Variants in ANGPT1 observed in about 807,000 individuals in gnomAD.
The protein encoded by ANGPT1 is angiopoietin 1, also known as angiopoietin-1.
A neutral mutation model predicts 62.2 loss-of-function variants in ANGPT1; 17 were observed. The ratio of observed to expected loss-of-function variants is 0.27; its 90% confidence interval spans 0.19 to 0.41. The LOEUF (loss-of-function observed/expected upper bound fraction) is 0.41. ANGPT1 is among the 10% of genes least tolerant of loss of function. The probability of loss-of-function intolerance (pLI) is 1.00; values close to 1 mark genes in which losing one functional copy is unlikely to be tolerated. For synonymous variants in ANGPT1, 199 were observed against 198.9 expected, an observed-to-expected ratio of 1.00 and a Z score of 0.00; for missense variants, 478 against 594.9, an observed-to-expected ratio of 0.80 and a Z score of 2.04.
chr8:107,322,727 A>C (rs1815184390), intron 3 of ANGPT1: 1 of 327,768 alleles, frequency 3.1e-6, no homozygotes, highest in Non-Finnish European at 5.9e-6. Flanking sequence ...TCTTATTTTG[A>C]AACTGTTGAA....
chr8:107,274,079 G>A (rs1048039468), intron 7 of ANGPT1, among the ~76,000 whole-genome samples: 1 of 152,120 alleles, frequency 6.6e-6, no homozygotes, highest in African/African-American at 2.4e-5. Context: ...ACAAGAGAAG[G>A]TATGGTGTGT....
intron 1 of ANGPT1, among the ~76,000 whole-genome samples, chr8:107,412,318 C>A (rs963241421): frequency 6.6e-6 from 1 of 151,988 alleles, no homozygotes; most frequent in African/African-American, 2.4e-5. Flanking sequence ...AAGTCCCTGG[C>A]GATAGAGGAA....
intron 1 of ANGPT1, among the ~76,000 whole-genome samples, chr8:107,424,970 G>A (rs964315591): frequency 6.6e-6 from 1 of 152,160 alleles, no homozygotes; most frequent in Non-Finnish European, 1.5e-5. Context: ...CGCCTCCCGG[G>A]TTCAAGTGAT....
At chr8:107,257,733 T>C (rs889469053) in intron 8 of ANGPT1, among the ~76,000 whole-genome samples, 13 of 152,144 alleles carry the variant, frequency 8.5e-5, no homozygotes, top group Non-Finnish European at 2.9e-5. Context: ...GGTGAGTTTA[T>C]GTGGACAAAG....
At chr8:107,435,721 T>C (rs1811315632) in intron 1 of ANGPT1, among the ~76,000 whole-genome samples, 1 of 152,224 alleles carries the variant, frequency 6.6e-6, no homozygotes, top group Admixed American at 6.5e-5. Context: ...GCCCTATGAT[T>C]CAGCATTCTT....
intron 1 of ANGPT1, among the ~76,000 whole-genome samples, chr8:107,403,947 G>C (rs539267575): frequency 6.6e-6 from 1 of 152,042 alleles, no homozygotes; most frequent in African/African-American, 2.4e-5. Flanking sequence ...TTTTAAAATT[G>C]GAAAAATAAA....
Position 107,291,595 on chromosome 8 carries a change from T to C in ANGPT1, c.1038+2341A>G, listed in dbSNP as rs183465805. Reference sequence around the variant, plus strand: ...CCCGGCTAATTTTTTGTTGTTTTAGTAGAGACGGGGTTTCACCATATTGGC... The same window carrying C: ...CCCGGCTAATTTTTTGTTGTTTTAGCAGAGACGGGGTTTCACCATATTGGC... On this transcript the variant is annotated intron_variant, in intron 6 of 8. Transcript: ENST00000517746. Among the ~76,000 whole-genome samples the C allele has an allele frequency of 2.6e-5, 4 of 152,118 alleles. No individual in the cohort carries two copies. In the East Asian group the frequency reaches 7.8e-4, roughly 30 times the overall value.
intron 1 of ANGPT1, among the ~76,000 whole-genome samples, chr8:107,421,612 G>GTT (rs1304356894): frequency 6.6e-6 from 1 of 152,186 alleles, no homozygotes; most frequent in Non-Finnish European, 1.5e-5. Context: ...TGCTGGTAAG[G>GTT]TTAGCATCTG....
intron 1 of ANGPT1, among the ~76,000 whole-genome samples, chr8:107,395,245 C>A (rs1283667): frequency 0.14 from 21,176 of 152,010 alleles, 1,754 homozygotes; most frequent in South Asian, 0.2. Flanking sequence ...GACTCCATGA[C>A]CTCTATGATT....
chr8:107,299,388 A>AGTGT (rs1390326614), intron 5 of ANGPT1, among the ~76,000 whole-genome samples: 16 of 43,420 alleles, frequency 3.7e-4, no homozygotes, highest in South Asian at 1.0e-3. Context: ...TAAATGAAGG[A>AGTGT]GTGTATATAT....
intron 1 of ANGPT1, among the ~76,000 whole-genome samples, chr8:107,448,004 G>A (rs929106822): frequency 1.3e-5 from 2 of 152,150 alleles, no homozygotes; most frequent in Admixed American, 6.6e-5. Context: ...GGCTTACTTC[G>A]GGTCCTACAG....
intron 8 of ANGPT1, among the ~76,000 whole-genome samples, chr8:107,261,274 T>TAA (rs35789449): frequency 1.1e-4 from 16 of 151,144 alleles, no homozygotes; most frequent in Non-Finnish European, 1.3e-4. Flanking sequence ...GTGTACCATT[T>TAA]AAAAAAAAAT....
chr8:107,403,973 G>A (rs1379876715), intron 1 of ANGPT1, among the ~76,000 whole-genome samples: 2 of 152,088 alleles, frequency 1.3e-5, no homozygotes, highest in Non-Finnish European at 2.9e-5. Context: ...TTTGTTAAGA[G>A]ATGATGATAC....
chr8:107,349,660 T>G (rs560308469), intron 1 of ANGPT1, among the ~76,000 whole-genome samples: 1 of 152,274 alleles, frequency 6.6e-6, no homozygotes, highest in East Asian at 1.9e-4. Flanking sequence ...ATGAGACTAT[T>G]GAGGCTCAGA....
intron 8 of ANGPT1, among the ~76,000 whole-genome samples, chr8:107,257,426 GTAC>G (rs2130001904): frequency 6.6e-6 from 1 of 152,164 alleles, no homozygotes; most frequent in South Asian, 2.1e-4. Context: ...TCTCAACTTT[GTAC>G]TCAGGAAGTT....
intron 1 of ANGPT1, among the ~76,000 whole-genome samples, chr8:107,394,493 G>A (rs1227037038): frequency 6.6e-6 from 1 of 152,176 alleles, no homozygotes; most frequent in Non-Finnish European, 1.5e-5. Flanking sequence ...TGTTATCAGA[G>A]TTTATCCCAG....
intron 1 of ANGPT1, among the ~76,000 whole-genome samples, chr8:107,361,421 T>C (rs1183200565): frequency 6.7e-6 from 1 of 148,878 alleles, no homozygotes; most frequent in Non-Finnish European, 1.5e-5. Flanking sequence ...TATAGAATCT[T>C]AAATTGGAAT....
intron 7 of ANGPT1, among the ~76,000 whole-genome samples, chr8:107,282,780 G>T (rs1814047196): frequency 6.6e-6 from 1 of 151,630 alleles, no homozygotes; most frequent in Non-Finnish European, 1.5e-5. Flanking sequence ...CTACTGTGTG[G>T]TGAGAATACA....
chr8:107,366,051 A>G (rs1372059945), intron 1 of ANGPT1, among the ~76,000 whole-genome samples: 1 of 152,190 alleles, frequency 6.6e-6, no homozygotes, highest in Non-Finnish European at 1.5e-5. Context: ...ATCCATTTTT[A>G]ATTTTCTCAA....
Sources: allele counts gnomAD v4.1 joint callset (sites outside exome capture counted in the v4.1 genomes callset), GRCh38; gene constraint gnomAD v4.1.1; transcripts MANE v1.5; gene names NCBI Gene and HGNC (gene_info 2026-07-23, HGNC 2026-07-21).